Variants in GTSE1 observed in about 807,000 individuals in gnomAD.
The protein encoded by GTSE1 is G2 and S phase-expressed protein 1.
A neutral mutation model predicts 60.5 loss-of-function variants in GTSE1; 52 were observed. The observed-to-expected ratio is 0.86, with a 90% confidence interval of 0.69 to 1.08. The LOEUF is 1.08. Among genes scored for constraint, GTSE1 ranks in the 50% least tolerant of loss-of-function variants. GTSE1 has a pLI of 0.00. For synonymous variants in GTSE1, 368 were observed against 386.5 expected, an observed-to-expected ratio of 0.95 and a Z score of 0.56; for missense variants, 937 against 961.8, an observed-to-expected ratio of 0.97 and a Z score of 0.34.
rs76651043 is a variant in GTSE1, at chr22:46,323,274, T to C, written c.1505+12T>C. On this transcript the variant is annotated intron_variant, in intron 8 of 11. Coordinates refer to ENST00000454366, the MANE Select transcript of GTSE1 (RefSeq NM_016426.7). ...ACGTCAGTTGGCAGGTGAGTGACGTTGGTCCGCTTCCTCTCTTTATTGCTG... is the reference window on the plus strand; with the variant it reads ...ACGTCAGTTGGCAGGTGAGTGACGTCGGTCCGCTTCCTCTCTTTATTGCTG... The C allele has an allele frequency of 6.4e-3, 10,181 of 1,599,038 alleles. 506 individuals carry two copies. The African/African-American group carries it at 0.11, about 17-fold the overall frequency.
Position 46,314,529 on chromosome 22 carries a change from A to T in GTSE1, c.1051+516A>T, listed in dbSNP as rs903645356. Reference sequence around the variant, plus strand: ...AAATCCTCTTCGAGGTGCATTGGCCATGTGGCGTCTCGGGGTCGTTCAGGG... The same window carrying T: ...AAATCCTCTTCGAGGTGCATTGGCCTTGTGGCGTCTCGGGGTCGTTCAGGG... On this transcript the variant is annotated intron_variant, in intron 6 of 11. Transcript: ENST00000454366. This position sits in a 1 kb window ranked among gnomAD's most constrained non-coding sequence, Gnocchi z 7.1. Among the ~76,000 whole-genome samples the T allele has an allele frequency of 6.6e-6, 1 of 151,960 alleles. No homozygotes were observed. The highest frequency in any genetic ancestry group is 2.4e-5 in the African/African-American group (1 of 41,386).
chr22:46,301,623 G>T (rs979764936), intron 2 of GTSE1, among the ~76,000 whole-genome samples: 6 of 151,816 alleles, frequency 4.0e-5, no homozygotes, highest in African/African-American at 1.5e-4. Context: ...AAGTAGCTGG[G>T]ATTACAGGCA....
chr22:46,321,780 A>C lies in GTSE1; in HGVS notation c.1433-1410A>C, dbSNP rs1348821819. On this transcript the variant is annotated intron_variant, in intron 7 of 11. Coordinates refer to ENST00000454366, the MANE Select transcript of GTSE1 (RefSeq NM_016426.7). This position sits in a 1 kb window ranked among gnomAD's most constrained non-coding sequence, Gnocchi z 4.0. ...AGTCACTTTGATAGAGGTGATTTTT[A>C]AAAGAATAGGAGAGGCTGGGGCAGT... Among the ~76,000 whole-genome samples, 2 of 152,180 alleles carry C rather than the reference A, an allele frequency of 1.3e-5. No individual in the cohort carries two copies. Among genetic ancestry groups the C allele is most frequent in the East Asian group, 3.9e-4 (2 of 5,194 alleles).
intron 7 of GTSE1, among the ~76,000 whole-genome samples, chr22:46,322,073 CAAAAA>C (rs769915567): frequency 6.5e-4 from 29 of 44,610 alleles, no homozygotes; most frequent in African/African-American, 2.2e-3. Context: ...GACTCTGTCT[CAAAAA>C]AAAAAAAAAA....
rs1161232709 is a variant in GTSE1 at position 46,309,478 on chromosome 22, G to A, written c.762+535G>A. ...GCCAGGGCTGCCCGATCTGGCTCTT[G>A]CTCGGGAGAGGCCACAGAGAGGAAG... is the stretch of plus-strand genomic sequence containing the variant. On this transcript the variant is annotated intron_variant, in intron 4 of 11. Coordinates refer to ENST00000454366, the MANE Select transcript of GTSE1 (RefSeq NM_016426.7). This position sits in a 1 kb window ranked among gnomAD's most constrained non-coding sequence, Gnocchi z 6.2. 1.3e-5 allele frequency among the ~76,000 whole-genome samples: 2 copies of A among 152,168 alleles called. No individual in the cohort carries two copies. The highest frequency in any genetic ancestry group is 2.9e-5 in the Non-Finnish European group (2 of 68,024).
At chr22:46,315,590 G>T (rs958976087) in intron 6 of GTSE1, among the ~76,000 whole-genome samples, 1 of 152,218 alleles carries the variant, frequency 6.6e-6, no homozygotes, top group African/African-American at 2.4e-5. Context: ...ATTTTAAATA[G>T]TGCTTATGGT....
At chr22:46,301,932 C>T (rs1365630960) in intron 2 of GTSE1, among the ~76,000 whole-genome samples, 1 of 152,106 alleles carries the variant, frequency 6.6e-6, no homozygotes, top group Admixed American at 6.5e-5. Flanking sequence ...AGTTCCAGAC[C>T]AGCCTGACCA....
rs760771913 is a variant in GTSE1, at chr22:46,329,586, T to A, written c.2136+19T>A. 1.3e-6 allele frequency: 2 copies of A among 1,599,728 alleles called. No individual in the cohort carries two copies. The highest frequency in any genetic ancestry group is 1.1e-5 in the South Asian group (1 of 90,736). ...GGGACAGGTGAGAAGTGGCAGGTGG[T>A]TCATGTTGACTCAGCCCTGGGTGTC... On this transcript the variant is annotated intron_variant, in intron 11 of 11. Transcript: ENST00000454366. The surrounding 1 kb of genome is among the most constrained non-coding windows in gnomAD (Gnocchi z 6.4).
intron 6 of GTSE1, among the ~76,000 whole-genome samples, chr22:46,315,198 A>G (rs1757178125): frequency 6.6e-6 from 1 of 152,056 alleles, no homozygotes; most frequent in Non-Finnish European, 1.5e-5. Flanking sequence ...AGCTGGGACT[A>G]CAGGCACCTG....
At chr22:46,326,843 A>G (rs1422042861) in intron 9 of GTSE1, 189 bp downstream of exon 9, 6 of 525,858 alleles carry the variant, frequency 1.1e-5, no homozygotes, top group African/African-American at 2.0e-5. Context: ...AATTAAAGGT[A>G]TTACAAGGAA....
Position 46,323,210 on chromosome 22 carries a change from A to T in GTSE1, c.1453A>T (p.Thr485Ser). 6.2e-7 allele frequency: 1 copy of T among 1,613,898 alleles called. No individual in the cohort carries two copies. Among genetic ancestry groups the T allele is most frequent in the Middle Eastern group, 1.6e-4 (1 of 6,062 alleles). ...FSIGDSPDSS[T>S]PKLSRAQRPQ... ...CTTAGGTGACTCCCCGGACAGCTCA[A>T]CACCAAAGCTTTCGCGGGCACAGCG... Residue 485 changes from threonine to serine, a missense_variant, in exon 8 of 12, where the codon ACA becomes TCA. Transcript: ENST00000454366.
At position 46,320,189 on chromosome 22, in the gene GTSE1, C is replaced by A. The variant is rs184640349; in HGVS notation, c.1433-3001C>A. Among the ~76,000 whole-genome samples, 3 of 152,082 alleles carry A rather than the reference C, an allele frequency of 2.0e-5. No homozygotes were observed. Among genetic ancestry groups the A allele is most frequent in the African/African-American group, 4.8e-5 (2 of 41,406 alleles). On this transcript the variant is annotated intron_variant, in intron 7 of 11. Transcript: ENST00000454366. The surrounding 1 kb of genome is among the most constrained non-coding windows in gnomAD (Gnocchi z 7.1). ...AAGTGTTGGCTGGTCTCCTGGCTGT[C>A]GGGCTGCTTGATGCCACAGGACTTC...
In GTSE1 at chr22:46,314,256, A is replaced by G. The variant is rs1189081953; in HGVS notation, c.1051+243A>G. The stretch of plus-strand genomic sequence containing the variant: ...GTCTACGGGGTACACATGGCCAGAA[A>G]GCATGTATGATACCCCGTGCCTGAG... On this transcript the variant is annotated intron_variant, in intron 6 of 11. Coordinates refer to ENST00000454366, the MANE Select transcript of GTSE1 (RefSeq NM_016426.7). This position sits in a 1 kb window ranked among gnomAD's most constrained non-coding sequence, Gnocchi z 7.1. Among the ~76,000 whole-genome samples, 1 of 152,188 alleles carries G rather than the reference A, an allele frequency of 6.6e-6. No homozygotes were observed. Among genetic ancestry groups the G allele is most frequent in the Non-Finnish European group, 1.5e-5 (1 of 68,040 alleles).
Position 46,309,569 on chromosome 22 carries a change from G to T in GTSE1, c.762+626G>T, listed in dbSNP as rs2077736999. Among the ~76,000 whole-genome samples, 1 of 152,158 alleles carries T rather than the reference G, an allele frequency of 6.6e-6. No individual in the cohort carries two copies. Among genetic ancestry groups the T allele is most frequent in the South Asian group, 2.1e-4 (1 of 4,828 alleles). On this transcript the variant is annotated intron_variant, in intron 4 of 11. Coordinates refer to ENST00000454366, the MANE Select transcript of GTSE1 (RefSeq NM_016426.7). This position sits in a 1 kb window ranked among gnomAD's most constrained non-coding sequence, Gnocchi z 6.2. The stretch of plus-strand genomic sequence containing the variant: ...TTCCCAGCTCTGCCCCCTCCCCTGG[G>T]CAGCACGTACAGAGGAATGACCCTG...
In GTSE1 at chr22:46,309,671, C is replaced by A. The variant is rs536926143; in HGVS notation, c.762+728C>A. On this transcript the variant is annotated intron_variant, in intron 4 of 11. Transcript: ENST00000454366. The surrounding 1 kb of genome is among the most constrained non-coding windows in gnomAD (Gnocchi z 6.2). ...AGAAATTCCTTTACCCCCACCAAGC[C>A]CATCTCCTGAGCCACATGACTCCCT... 6.6e-6 allele frequency among the ~76,000 whole-genome samples: 1 copy of A among 152,194 alleles called. No homozygotes were observed. The highest frequency in any genetic ancestry group is 1.5e-5 in the Non-Finnish European group (1 of 68,042).
chr22:46,308,973 G>C, intron 4 of GTSE1, 30 bp downstream of exon 4: 1 of 1,579,734 alleles, frequency 6.3e-7, no homozygotes, highest in Non-Finnish European at 8.6e-7. Context: ...GCCTGCCTGG[G>C]GAGCCCCCAC....
Position 46,308,539 on chromosome 22 carries a change from G to T in GTSE1, c.358G>T (p.Ala120Ser), listed in dbSNP as rs746636621. 9 of 1,614,202 alleles carry T rather than the reference G, an allele frequency of 5.6e-6. No individual in the cohort carries two copies. The Admixed American group carries it at 1.3e-4, about 24-fold the overall frequency. ...LHIESSSRNQ[A>S]AQAAKPEDPR... ...CATTGAGAGCAGCAGCCGGAACCAGGCAGCCCAAGCTGCCAAGCCTGAAGA... is the reference window on the plus strand; with the variant it reads ...CATTGAGAGCAGCAGCCGGAACCAGTCAGCCCAAGCTGCCAAGCCTGAAGA... The change falls in exon 4 of 12, where the codon GCA becomes TCA. Residue 120 changes from alanine (A) to serine (S), a missense_variant. Physicochemically the swap from Ala to Ser is moderately conservative, Grantham distance 99. Transcript: ENST00000454366.
Position 46,318,921 on chromosome 22 carries a change from C to CTTCT in GTSE1, c.1432+2509_1432+2510insTTCT, listed in dbSNP as rs1402860744. 0.018 allele frequency among the ~76,000 whole-genome samples: 2,761 copies of CTTCT among 152,258 alleles called. 90 individuals are homozygous for CTTCT. The highest frequency in any genetic ancestry group is 0.062 in the African/African-American group (2,588 of 41,534). ...CGGCTCTGGCCCTCATACCTCCCGG[C>CTTCT]AGGAAGCCTTCTTCTAGGTGAAGAA... On this transcript the variant is annotated intron_variant, in intron 7 of 11. Transcript: ENST00000454366. This position sits in a 1 kb window ranked among gnomAD's most constrained non-coding sequence, Gnocchi z 4.8.
rs541061221 is a variant in GTSE1 at position 46,321,223 on chromosome 22, G to A, written c.1433-1967G>A. Among the ~76,000 whole-genome samples, 6 of 152,166 alleles carry A rather than the reference G, an allele frequency of 3.9e-5. No individual in the cohort carries two copies. Among genetic ancestry groups the A allele is most frequent in the South Asian group, 4.2e-4 (2 of 4,812 alleles). Reference sequence around the variant, plus strand: ...CAAGAAAACAAACACCAGCCTGGGCGACACAGTGAGACCCCGATTCTACAA... The same window carrying A: ...CAAGAAAACAAACACCAGCCTGGGCAACACAGTGAGACCCCGATTCTACAA... On this transcript the variant is annotated intron_variant, in intron 7 of 11. Coordinates refer to ENST00000454366, the MANE Select transcript of GTSE1 (RefSeq NM_016426.7). This position sits in a 1 kb window ranked among gnomAD's most constrained non-coding sequence, Gnocchi z 4.0.
Sources: gnomAD v4.1 joint callset for allele counts (sites outside exome capture counted in the v4.1 genomes callset) on GRCh38, gnomAD v4.1.1 for gene constraint, Gnocchi (gnomAD v3.1) non-coding constraint, MANE v1.5 for transcripts, NCBI Gene and HGNC (gene_info 2026-07-23, HGNC 2026-07-21) for gene names.